The following PRMT2 variants were observed in gnomAD, a reference collection of about 807,000 sequenced individuals.
PRMT2 encodes protein arginine N-methyltransferase 2.
A neutral mutation model predicts 57.6 loss-of-function variants in PRMT2; 26 were observed. The ratio of observed to expected loss-of-function variants is 0.45; its 90% CI spans 0.33 to 0.63. The LOEUF (loss-of-function observed/expected upper bound fraction) is 0.63. Ranked by LOEUF, PRMT2 falls within the 20% of genes least tolerant of loss-of-function variation. The probability of loss-of-function intolerance (pLI) is 0.02; values close to 1 mark genes in which losing one functional copy is unlikely to be tolerated. For synonymous variants in PRMT2, 219 were observed against 220.0 expected (o/e 1.00, Z 0.04); for missense variants, 472 against 564.4 (o/e 0.84, Z 1.66).
intron 7 of PRMT2, chr21:46,652,548 C>T: frequency 1.0e-6 from 1 of 985,372 alleles, no homozygotes; most frequent in Non-Finnish European, 1.2e-6. Flanking sequence ...ATAGTTTTGA[C>T]CTGGGAAGTT....
At chr21:46,642,956 G>A (rs547615769) in intron 3 of PRMT2, among the ~76,000 whole-genome samples, 5 of 152,022 alleles carry the variant, frequency 3.3e-5, no homozygotes, top group African/African-American at 7.3e-5. Flanking sequence ...CCTGGGAGGC[G>A]GCAGAGGTTG....
At chr21:46,663,641 G>T in intron 11 of PRMT2, 87 bp downstream of exon 11, 2 of 1,379,396 alleles carry the variant, frequency 1.4e-6, no homozygotes, top group Non-Finnish European at 2.0e-6. Context: ...GGCAGATGCT[G>T]GCCCACACTG....
At chr21:46,642,290 A>G (rs1226132732) in intron 3 of PRMT2, among the ~76,000 whole-genome samples, 1 of 152,254 alleles carries the variant, frequency 6.6e-6, no homozygotes, top group Non-Finnish European at 1.5e-5. Context: ...AAAAGTCTAA[A>G]TGTACAAGAC....
chr21:46,647,505 T>C (rs372647228), intron 5 of PRMT2, among the ~76,000 whole-genome samples: 1 of 152,312 alleles, frequency 6.6e-6, no homozygotes, highest in South Asian at 2.1e-4. Flanking sequence ...TTTTTGTTTT[T>C]TATGTTTTTT....
chr21:46,641,490 C>T (rs2061273684), intron 3 of PRMT2, among the ~76,000 whole-genome samples: 1 of 152,132 alleles, frequency 6.6e-6, no homozygotes, highest in South Asian at 2.1e-4. Flanking sequence ...GAGTTCGAGA[C>T]CAGCCTGGCC....
chr21:46,658,614 G>A, intron 7 of PRMT2, 131 bp from the exon 8 acceptor site: 2 of 1,474,904 alleles, frequency 1.4e-6, no homozygotes, highest in Admixed American at 4.6e-5. Context: ...TGGTACACTG[G>A]CCTAGGCAGG....
chr21:46,649,419 G>A lies in PRMT2; in HGVS notation c.490-156G>A. On this transcript the variant is annotated intron_variant, in intron 6 of 11. Transcript: ENST00000355680. The surrounding 1 kb of genome is among the most constrained non-coding windows in gnomAD (Gnocchi z 4.8). The stretch of plus-strand genomic sequence containing the variant: ...CTCCTTTCTGGGTGCCCCTGGAGGG[G>A]CAGGTGTGGCCAGTCCTCGCTGCCT... 8.5e-7 allele frequency: 1 copy of A among 1,178,658 alleles called. No individual in the cohort carries two copies. 73.0% of individuals were successfully genotyped at this position (1,178,658 alleles called of 1,614,324 possible). A position where few individuals can be genotyped will look rare whatever the true frequency, so the allele number is the denominator to read the frequency against.
chr21:46,657,448 G>A (rs1309719811), intron 7 of PRMT2: 1 of 152,052 alleles, frequency 6.6e-6, no homozygotes, highest in Non-Finnish European at 1.5e-5. Context: ...GGATAAACTG[G>A]TGCGTCCACA....
In PRMT2 at chr21:46,640,472, C is replaced by T. The variant is rs760982166; in HGVS notation, c.40-3063C>T. Among the ~76,000 whole-genome samples, 195 of 140,640 alleles carry T rather than the reference C, an allele frequency of 1.4e-3. 3 individuals carry two copies. Among genetic ancestry groups the T allele is most frequent in the Non-Finnish European group, 2.3e-3 (153 of 66,316 alleles). The allele number at this position is 140,640 out of a possible 152,430, so 92.3% of individuals were successfully genotyped here. On this transcript the variant is annotated intron_variant, in intron 3 of 11. Coordinates refer to ENST00000355680, the MANE Select transcript of PRMT2 (RefSeq NM_206962.4). Reference sequence around the variant, plus strand: ...TTTTTTTTTTTTTGAGACGGAGTCTCGCTCTGTCGCCCAGGCTGGAGTGCA... The same window carrying T: ...TTTTTTTTTTTTTGAGACGGAGTCTTGCTCTGTCGCCCAGGCTGGAGTGCA...
chr21:46,653,673 G>T, intron 7 of PRMT2: 2 of 1,256,170 alleles, frequency 1.6e-6, no homozygotes, highest in South Asian at 1.4e-5. Flanking sequence ...AGCTCATGTA[G>T]ATCATTTTAC....
intron 10 of PRMT2, among the ~76,000 whole-genome samples, chr21:46,662,541 G>A (rs548807887): frequency 1.4e-4 from 21 of 152,338 alleles, no homozygotes; most frequent in African/African-American, 5.1e-4. Flanking sequence ...GAGTCCTGTG[G>A]TGGCCCCTCC....
chr21:46,660,107 A>G (rs759612882), intron 8 of PRMT2: 104 of 971,354 alleles, frequency 1.1e-4, no homozygotes, highest in Non-Finnish European at 3.7e-5. Flanking sequence ...GTGTAAATAT[A>G]GTGGAATCTT....
At chr21:46,664,248 C>T (rs772929686) in intron 11 of PRMT2, 47 bp from the exon 12 acceptor site, 2 of 1,463,158 alleles carry the variant, frequency 1.4e-6, no homozygotes, top group Admixed American at 3.3e-5. Context: ...GTATGTTAAT[C>T]AAATGATTTA....
chr21:46,651,645 C>A (rs908078089), intron 7 of PRMT2, among the ~76,000 whole-genome samples: 4 of 152,226 alleles, frequency 2.6e-5, no homozygotes, highest in South Asian at 4.1e-4. Context: ...CCACCACCAT[C>A]ATTACTCAGG....
At position 46,654,170 on chromosome 21, in the gene PRMT2, G is replaced by T. The variant is rs8133586; in HGVS notation, c.654+4431G>T. 2.8e-3 allele frequency: 2,741 copies of T among 974,488 alleles called. 52 individuals are homozygous for T. In the African/African-American group the frequency reaches 0.045, roughly 16 times the overall value. The allele number at this position is 974,488 out of a possible 1,614,324, so 60.4% of individuals were successfully genotyped here. On this transcript the variant is annotated intron_variant, in intron 7 of 11. Transcript: ENST00000355680. ...CTAAGGAAATAATCAAATTTGTACAGAAATTTATGTTAAAAAATGTTCATG... is the reference window on the plus strand; with the variant it reads ...CTAAGGAAATAATCAAATTTGTACATAAATTTATGTTAAAAAATGTTCATG...
intron 10 of PRMT2, 33 bp downstream of exon 10, chr21:46,661,969 G>GAT: frequency 8.5e-7 from 1 of 1,182,446 alleles, no homozygotes; most frequent in Non-Finnish European, 1.1e-6. Flanking sequence ...CGGGGTGCGG[G>GAT]GTGGGGGGCA....
At position 46,642,013 on chromosome 21, in the gene PRMT2, C is replaced by T. The variant is rs1272160017; in HGVS notation, c.40-1522C>T. ...CACAAAGAGAGGGAAATGGAAGTAA[C>T]AACAGTGATTTTTACCCATGAAATT... On this transcript the variant is annotated intron_variant, in intron 3 of 11. Coordinates refer to ENST00000355680, the MANE Select transcript of PRMT2 (RefSeq NM_206962.4). Among the ~76,000 whole-genome samples the T allele has an allele frequency of 2.0e-5, 3 of 152,166 alleles. No homozygotes were observed. In the East Asian group the frequency reaches 5.8e-4, roughly 29 times the overall value.
chr21:46,656,534 T>C (rs1601947822), intron 7 of PRMT2, among the ~76,000 whole-genome samples: 1 of 152,276 alleles, frequency 6.6e-6, no homozygotes, highest in African/African-American at 2.4e-5. Flanking sequence ...TCTACAAATA[T>C]GGTCAATGGG....
chr21:46,654,120 A>G, intron 7 of PRMT2: 1 of 985,622 alleles, frequency 1.0e-6, no homozygotes, highest in Non-Finnish European at 1.2e-6. Context: ...GAGACCAGGC[A>G]CCAAATTTTT....
Sources: allele counts gnomAD v4.1 joint callset (sites outside exome capture counted in the v4.1 genomes callset), GRCh38; gene constraint gnomAD v4.1.1; non-coding constraint Gnocchi (gnomAD v3.1); transcripts MANE v1.5; gene names NCBI Gene and HGNC (gene_info 2026-07-23, HGNC 2026-07-21).